Variants in NINJ2 observed in about 807,000 individuals in gnomAD.
NINJ2 encodes ninjurin-2.
A neutral mutation model predicts 11.7 loss-of-function variants in NINJ2; 12 were observed. The ratio of observed to expected loss-of-function variants is 1.02; its 90% CI spans 0.66 to 1.66. The LOEUF (loss-of-function observed/expected upper bound fraction) is 1.66. NINJ2 is among the 40% of genes most tolerant of loss of function. The pLI, the probability that NINJ2 is intolerant of heterozygous loss-of-function variation, is 0.00. For missense variants in NINJ2, 187 were observed against 181.8 expected, an observed-to-expected ratio of 1.03 and a Z score of -0.16; for synonymous variants, 93 against 76.8, an observed-to-expected ratio of 1.21 and a Z score of -1.10.
intron 2 of NINJ2, chr12:565,647 G>C (rs997451669): frequency 1.6e-6 from 1 of 611,342 alleles, no homozygotes; most frequent in Non-Finnish European, 2.9e-6. Flanking sequence ...GCGTGGGGAC[G>C]AGTGCTCATG....
intron 1 of NINJ2, among the ~76,000 whole-genome samples, chr12:637,927 G>A (rs1948372398): frequency 6.6e-6 from 1 of 152,170 alleles, no homozygotes. Flanking sequence ...AAGGAATCAG[G>A]GCCAAAGGAT....
intron 1 of NINJ2, among the ~76,000 whole-genome samples, chr12:626,853 A>G (rs1948215955): frequency 6.6e-6 from 1 of 152,182 alleles, no homozygotes; most frequent in Non-Finnish European, 1.5e-5. Flanking sequence ...TGAGAGGTTG[A>G]GGCGGGAGGA....
chr12:610,203 T>A, intron 1 of NINJ2: 1 of 719,470 alleles, frequency 1.4e-6, no homozygotes, highest in Non-Finnish European at 2.4e-6. Context: ...ACACACACAT[T>A]GCCAGACACC....
chr12:612,337 G>A (rs1028373530), intron 1 of NINJ2, among the ~76,000 whole-genome samples: 1 of 152,066 alleles, frequency 6.6e-6, no homozygotes. Flanking sequence ...GCAACCTCCC[G>A]TTCTCTGAGA....
intron 1 of NINJ2, among the ~76,000 whole-genome samples, chr12:575,175 G>A (rs1457798850): frequency 6.6e-6 from 1 of 152,154 alleles, no homozygotes; most frequent in African/African-American, 2.4e-5. Flanking sequence ...GCTGGCTCTC[G>A]CCTTCGAGCC....
rs569738561 is a variant in NINJ2, at chr12:592,028, G to A, written c.34-25850C>T. 2.9e-4 allele frequency among the ~76,000 whole-genome samples: 44 copies of A among 151,926 alleles called. 1 individual carries two copies. In the South Asian group the frequency reaches 8.8e-3, roughly 30 times the overall value. On this transcript the variant is annotated intron_variant, in intron 1 of 3. Transcript: ENST00000305108. ...CCCAGCCGCCAGGCTGTAGCCAAAC[G>A]CATATCTTGTTTGCATTCTCGGTGA...
intron 1 of NINJ2, among the ~76,000 whole-genome samples, chr12:637,210 G>C (rs183226252): frequency 6.6e-6 from 1 of 151,274 alleles, no homozygotes; most frequent in African/African-American, 2.4e-5. Flanking sequence ...TTAGCCAGGC[G>C]TGGTGGTGCA....
chr12:574,171 G>A (rs1264335890), intron 1 of NINJ2, among the ~76,000 whole-genome samples: 1 of 151,806 alleles, frequency 6.6e-6, no homozygotes, highest in Non-Finnish European at 1.5e-5. Flanking sequence ...GCAGTGAGCC[G>A]AGATGGTGCC....
chr12:639,875 G>A (rs575612468), intron 1 of NINJ2, among the ~76,000 whole-genome samples: 97 of 152,304 alleles, frequency 6.4e-4, no homozygotes, highest in Non-Finnish European at 1.1e-3. Flanking sequence ...AACTTTTATA[G>A]AAACATAGGT....
chr12:648,094 T>C (rs1265061036), intron 1 of NINJ2, among the ~76,000 whole-genome samples: 1 of 152,156 alleles, frequency 6.6e-6, no homozygotes, highest in Admixed American at 6.5e-5. Context: ...TTTTTTTGGA[T>C]GGAATTTCAC....
chr12:577,427 A>ACACATATATATATG (rs774377686), intron 1 of NINJ2, among the ~76,000 whole-genome samples: 2 of 62,610 alleles, frequency 3.2e-5, no homozygotes, highest in African/African-American at 1.0e-4. Context: ...ATATATATAT[A>ACACATATATATATG]TACATATATA....
chr12:617,492 G>A (rs959937651), intron 1 of NINJ2, among the ~76,000 whole-genome samples: 7 of 152,198 alleles, frequency 4.6e-5, no homozygotes, highest in African/African-American at 1.7e-4. Context: ...TGTCCTGGCT[G>A]AAGCGCAGCA....
At chr12:621,008 C>A (rs982771490) in intron 1 of NINJ2, among the ~76,000 whole-genome samples, 1 of 152,196 alleles carries the variant, frequency 6.6e-6, no homozygotes, top group African/African-American at 2.4e-5. Context: ...CTTACTCAGC[C>A]TCTCCTGGAT....
At chr12:641,990 C>A (rs1948423701) in intron 1 of NINJ2, among the ~76,000 whole-genome samples, 1 of 152,172 alleles carries the variant, frequency 6.6e-6, no homozygotes, top group South Asian at 2.1e-4. Context: ...CACCACCTTT[C>A]GACATGGTCC....
In NINJ2 at chr12:580,799, TGTGTGTGTCTGTGTGTATGC is replaced by T. The variant is rs1185263471; in HGVS notation, c.34-14641_34-14622del. Among the ~76,000 whole-genome samples, 2 of 151,940 alleles carry T rather than the reference TGTGTGTGTCTGTGTGTATGC, an allele frequency of 1.3e-5. No homozygotes were observed. The highest frequency in any genetic ancestry group is 1.5e-5 in the Non-Finnish European group (1 of 67,994). On this transcript the variant is annotated intron_variant, in intron 1 of 3. Transcript: ENST00000305108. This position sits in a 1 kb window ranked among gnomAD's most constrained non-coding sequence, Gnocchi z 4.7. ...CGGCAGCCACAATGTGTTTTCTGTG[TGTGTGTGTCTGTGTGTATGC>T]GTGTGTGTCTGTGTGTATGCATGTG...
rs1947264869 is a variant in NINJ2, at chr12:564,583, CAG to C, written c.*115_*116del. 2.0e-5 allele frequency: 3 copies of C among 152,250 alleles called. No individual in the cohort carries two copies. Among genetic ancestry groups the C allele is most frequent in the African/African-American group, 7.2e-5 (3 of 41,442 alleles). The allele number at this position is 152,250 out of a possible 1,614,324, so 9.4% of individuals were successfully genotyped here. ...AGGTGCTGTGGGTAGGGAGCAAGGG[CAG>C]CTATACTGTCCTTTCAGAAGCTCTC... On this transcript the variant is annotated 3_prime_UTR_variant, in exon 4 of 4. Coordinates refer to ENST00000305108, the MANE Select transcript of NINJ2 (RefSeq NM_016533.6).
chr12:635,610 A>C (rs1948341884), intron 1 of NINJ2, among the ~76,000 whole-genome samples: 1 of 152,238 alleles, frequency 6.6e-6, no homozygotes, highest in African/African-American at 2.4e-5. Flanking sequence ...TAAACTTGAG[A>C]GTTAACACTG....
chr12:596,450 G>A (rs903515657), intron 1 of NINJ2, among the ~76,000 whole-genome samples: 3 of 152,158 alleles, frequency 2.0e-5, no homozygotes, highest in South Asian at 2.1e-4. Context: ...TAATGGGGGC[G>A]GCTGTGCGTA....
intron 1 of NINJ2, among the ~76,000 whole-genome samples, chr12:652,862 G>A (rs1413321926): frequency 6.7e-5 from 10 of 150,140 alleles, no homozygotes; most frequent in African/African-American, 1.5e-4. Context: ...CAGGAGAATC[G>A]CTTGAACCCG....
Sources: allele counts gnomAD v4.1 joint callset (sites outside exome capture counted in the v4.1 genomes callset), GRCh38; gene constraint gnomAD v4.1.1; non-coding constraint Gnocchi (gnomAD v3.1); transcripts MANE v1.5; gene names NCBI Gene and HGNC (gene_info 2026-07-23, HGNC 2026-07-21).